Variants in MBNL1 observed in about 807,000 individuals in gnomAD.
MBNL1 encodes muscleblind like splicing regulator 1, also known as muscleblind-like protein 1.
A neutral mutation model predicts 42.2 loss-of-function variants in MBNL1; 8 were observed. That is an observed-to-expected ratio of 0.19 (90% CI 0.11 to 0.34). MBNL1 has a LOEUF of 0.34. MBNL1 is among the 10% of genes least tolerant of loss of function. The probability of loss-of-function intolerance (pLI) is 1.00; values close to 1 mark genes in which losing one functional copy is unlikely to be tolerated. For missense variants in MBNL1, 309 were observed against 495.3 expected, an observed-to-expected ratio of 0.62 and a Z score of 3.57; for synonymous variants, 169 against 173.9, an observed-to-expected ratio of 0.97 and a Z score of 0.22.
At chr3:152,314,759 T>C (rs1347767553) in intron 2 of MBNL1, among the ~76,000 whole-genome samples, 1 of 152,234 alleles carries the variant, frequency 6.6e-6, no homozygotes, top group Admixed American at 6.5e-5. Flanking sequence ...CATGTACTTT[T>C]TCCAGCAAGT....
intron 3 of MBNL1, among the ~76,000 whole-genome samples, chr3:152,426,733 G>A (rs901987260): frequency 2.6e-5 from 4 of 152,162 alleles, no homozygotes; most frequent in African/African-American, 9.7e-5. Context: ...GCTATTCTTT[G>A]GGTAAACAAA....
Position 152,390,844 on chromosome 3 carries a change from G to A in MBNL1, c.175-24097G>A, listed in dbSNP as rs117002445. On this transcript the variant is annotated intron_variant, in intron 2 of 9. Transcript: ENST00000324210. ...CCCTTGCCCTAAAGACTGCAGAGTA[G>A]CAGAGCAGGAGCAGCACTTTGTGGA... Among the ~76,000 whole-genome samples the A allele has an allele frequency of 7.3e-4, 111 of 152,344 alleles. No individual in the cohort carries two copies. In the East Asian group the frequency reaches 0.014, roughly 19 times the overall value.
At chr3:152,445,632 T>C in intron 5 of MBNL1, 93 bp downstream of exon 5, 1 of 1,362,320 alleles carries the variant, frequency 7.3e-7, no homozygotes, top group Admixed American at 2.3e-5. Flanking sequence ...TAGTAACCTT[T>C]TTAAAAAAAT....
intron 2 of MBNL1, among the ~76,000 whole-genome samples, chr3:152,249,435 C>A (rs2034029580): frequency 2.7e-5 from 3 of 112,602 alleles, no homozygotes; most frequent in Admixed American, 9.5e-5. Context: ...AGTGTCTGTT[C>A]ATATCCTTTG....
intron 4 of MBNL1, among the ~76,000 whole-genome samples, chr3:152,441,819 G>C (rs2153821245): frequency 6.6e-6 from 1 of 152,276 alleles, no homozygotes; most frequent in Admixed American, 6.5e-5. Flanking sequence ...TTGTGACAGA[G>C]TCTTGCTCTG....
intron 2 of MBNL1, among the ~76,000 whole-genome samples, chr3:152,355,195 TGCTGGG>T (rs2095423862): frequency 6.6e-6 from 1 of 152,186 alleles, no homozygotes; most frequent in Non-Finnish European, 1.5e-5. Flanking sequence ...ACATGATTGG[TGCTGGG>T]ACTCCAGAGC....
intron 2 of MBNL1, among the ~76,000 whole-genome samples, chr3:152,327,169 T>C (rs1262168963): frequency 2.6e-5 from 4 of 152,156 alleles, no homozygotes; most frequent in African/African-American, 9.7e-5. Flanking sequence ...GATAACATTG[T>C]TCCTATGGTA....
intron 2 of MBNL1, among the ~76,000 whole-genome samples, chr3:152,248,417 C>T (rs115938742): frequency 3.3e-5 from 5 of 151,658 alleles, no homozygotes; most frequent in Non-Finnish European, 5.9e-5. Flanking sequence ...TATAATGAAC[C>T]CCTTATATCT....
intron 2 of MBNL1, among the ~76,000 whole-genome samples, chr3:152,378,283 AC>A (rs113761676): frequency 1.0e-3 from 154 of 152,310 alleles, no homozygotes; most frequent in African/African-American, 3.6e-3. Flanking sequence ...GAAATGAGGC[AC>A]AATTTCACCA....
In MBNL1 at chr3:152,456,323, A is replaced by G. The variant is rs766164545; in HGVS notation, c.1054A>G (p.Thr352Ala). 1 of 1,614,066 alleles carries G rather than the reference A, an allele frequency of 6.2e-7. No individual in the cohort carries two copies. Among genetic ancestry groups the G allele is most frequent in the Admixed American group, 1.7e-5 (1 of 60,016 alleles). The change falls in exon 8 of 10, where the codon ACA becomes GCA. Residue 352 changes from threonine to alanine, a missense_variant. By Grantham distance (58) the Thr-to-Ala change is moderately conservative. Transcript: ENST00000324210. ...ATVSAATTSATSVPFAATATA... is the reference protein window; with the variant it reads ...ATVSAATTSAASVPFAATATA... The stretch of plus-strand genomic sequence containing the variant: ...TGTGTCCGCAGCAACAACATCTGCC[A>G]CAAGTGTTCCCTTCGCTGCAACAGC...
chr3:152,358,539 C>T (rs1490796428), intron 2 of MBNL1, among the ~76,000 whole-genome samples: 4 of 152,118 alleles, frequency 2.6e-5, no homozygotes, highest in Admixed American at 1.3e-4. Context: ...GCAACTAGAT[C>T]TATTTCCTTT....
intron 2 of MBNL1, chr3:152,338,097 A>C (rs959430574): frequency 7.2e-6 from 7 of 968,652 alleles, no homozygotes; most frequent in Non-Finnish European, 8.6e-6. Flanking sequence ...TATAATATGT[A>C]TTCCTTACTT....
chr3:152,274,941 A>T (rs2044084928), intron 1 of MBNL1, among the ~76,000 whole-genome samples: 2 of 152,192 alleles, frequency 1.3e-5, no homozygotes, highest in South Asian at 4.1e-4. Flanking sequence ...TAAGCAGTTC[A>T]TATTTGTATT....
upstream of MBNL1, chr3:152,268,599 C>T (rs1300947373): frequency 8.0e-6 from 3 of 376,428 alleles, no homozygotes; most frequent in East Asian, 2.3e-4. Context: ...CAATGCTGAA[C>T]GCATGAGATG....
intron 1 of MBNL1, chr3:152,269,904 G>GCCCCCCCC (rs141400947): frequency 1.7e-5 from 2 of 118,566 alleles, no homozygotes; most frequent in African/African-American, 3.2e-5. Context: ...CAAATATGTA[G>GCCCCCCCC]CCACCCCCCA....
rs1488808779 is a variant in MBNL1, at chr3:152,252,165, TTCCTTCCTTCCTTCCC to T, written n.333+7773_333+7788del. 1.2e-3 allele frequency among the ~76,000 whole-genome samples: 172 copies of T among 144,196 alleles called. 1 individual carries two copies. The highest frequency in any genetic ancestry group is 9.8e-3 in the East Asian group (48 of 4,882). The allele number at this position is 144,196 out of a possible 152,430, so 94.6% of individuals were successfully genotyped here. ...CTTCCTTCCTTCCTTCCTTCCTTCC[TTCCTTCCTTCCTTCCC>T]TCCTTCCTTCCTTCCCTCCTTCCTT... On this transcript the variant is annotated intron_variant and non_coding_transcript_variant, in intron 2 of 2. Transcript: ENST00000477171.
At chr3:152,399,343 T>C (rs953365260) in intron 2 of MBNL1, among the ~76,000 whole-genome samples, 2 of 152,158 alleles carry the variant, frequency 1.3e-5, no homozygotes, top group Non-Finnish European at 2.9e-5. Context: ...TATTACCTTT[T>C]TTCTCCTAGC....
chr3:152,256,153 T>A (rs938727463), intron 2 of MBNL1, among the ~76,000 whole-genome samples: 1 of 152,182 alleles, frequency 6.6e-6, no homozygotes, highest in Non-Finnish European at 1.5e-5. Context: ...GAAACAGGAA[T>A]TACTACATAG....
chr3:152,443,509 A>C (rs377595360), intron 4 of MBNL1, among the ~76,000 whole-genome samples: 3 of 38,002 alleles, frequency 7.9e-5, no homozygotes, highest in African/African-American at 2.4e-4. Context: ...CACACACACA[A>C]CTTTTTATCA....
Sources: allele counts gnomAD v4.1 joint callset (sites outside exome capture counted in the v4.1 genomes callset), GRCh38; gene constraint gnomAD v4.1.1; transcripts MANE v1.5; gene names NCBI Gene and HGNC (gene_info 2026-07-23, HGNC 2026-07-21).